NAV2: variants seen among roughly 807,000 people sequenced by gnomAD.
NAV2 encodes neuron navigator 2.
NAV2 carries 54 observed loss-of-function variants against 223.2 expected under a neutral mutation model. The observed-to-expected ratio is 0.24, with a 90% confidence interval of 0.19 to 0.30. The LOEUF (loss-of-function observed/expected upper bound fraction) is 0.30, where lower values mean the gene tolerates loss of function less well. NAV2 is among the 10% of genes least tolerant of loss of function. NAV2 has a pLI of 1.00. For synonymous variants in NAV2, 1,279 were observed against 1,239.3 expected (o/e 1.03, Z -0.67); for missense variants, 2,806 against 3,147.5 (o/e 0.89, Z 2.60).
intron 25 of NAV2, among the ~76,000 whole-genome samples, chr11:20,080,999 G>T (rs964559575): frequency 7.2e-5 from 11 of 152,330 alleles, no homozygotes; most frequent in Middle Eastern, 3.4e-3. Context: ...TTGATCTGGA[G>T]TTGACCAGTG....
chr11:19,914,725 T>G (rs2043644369), intron 6 of NAV2, among the ~76,000 whole-genome samples: 1 of 151,780 alleles, frequency 6.6e-6, no homozygotes, highest in Admixed American at 6.6e-5. Flanking sequence ...TTTGTATTTT[T>G]AGTAGAGACG....
intron 12 of NAV2, among the ~76,000 whole-genome samples, chr11:20,039,056 G>T (rs1591787120): frequency 1.3e-5 from 2 of 152,156 alleles, no homozygotes; most frequent in East Asian, 3.9e-4. Context: ...TGTGCCCACT[G>T]TTTCCTCAGG....
At chr11:20,039,778 A>G (rs1040957440) in intron 12 of NAV2, among the ~76,000 whole-genome samples, 1 of 152,260 alleles carries the variant, frequency 6.6e-6, no homozygotes, top group African/African-American at 2.4e-5. Context: ...TGAAATGTTT[A>G]ATAACATATG....
intron 1 of NAV2, among the ~76,000 whole-genome samples, chr11:19,549,946 A>G (rs1174689914): frequency 6.6e-6 from 1 of 152,182 alleles, no homozygotes; most frequent in African/African-American, 2.4e-5. Flanking sequence ...AGAAGGGGAG[A>G]TGGAGCAGGG....
intron 11 of NAV2, among the ~76,000 whole-genome samples, chr11:20,013,553 C>A (rs1205231244): frequency 6.6e-6 from 1 of 151,860 alleles, no homozygotes. Context: ...ATTTTATAGT[C>A]CCTATAAACT....
chr11:19,522,631 C>T (rs371655450), intron 1 of NAV2, among the ~76,000 whole-genome samples: 1 of 152,308 alleles, frequency 6.6e-6, no homozygotes, highest in Non-Finnish European at 1.5e-5. Flanking sequence ...GTCACTGTCA[C>T]CCCCACTGGC....
At chr11:19,732,102 A>C (rs952669043) in intron 1 of NAV2, among the ~76,000 whole-genome samples, 1 of 152,038 alleles carries the variant, frequency 6.6e-6, no homozygotes, top group Non-Finnish European at 1.5e-5. Flanking sequence ...AAAATACAAA[A>C]ATTAACCAGG....
chr11:19,964,492 CTT>C (rs1555171616), intron 10 of NAV2, among the ~76,000 whole-genome samples: 3 of 146,578 alleles, frequency 2.0e-5, no homozygotes, highest in Admixed American at 6.8e-5. Flanking sequence ...TTTTCATCCT[CTT>C]TTTTTTTTTT....
chr11:19,560,145 G>A (rs1049146302), intron 1 of NAV2, among the ~76,000 whole-genome samples: 1 of 152,120 alleles, frequency 6.6e-6, no homozygotes, highest in African/African-American at 2.4e-5. Context: ...AGAATCGGTG[G>A]TAAAAGAGAC....
chr11:19,352,616 G>A (rs371025127), intron 1 of NAV2, among the ~76,000 whole-genome samples: 86 of 152,294 alleles, frequency 5.6e-4, no homozygotes, highest in African/African-American at 1.3e-3. Flanking sequence ...AACTCTAGCC[G>A]TCATGGCGAT....
intron 1 of NAV2, among the ~76,000 whole-genome samples, chr11:19,592,086 C>G (rs978052291): frequency 1.3e-4 from 20 of 152,198 alleles, no homozygotes; most frequent in African/African-American, 4.8e-4. Flanking sequence ...ATCATTGAAT[C>G]TAGCTTGAAG....
intron 1 of NAV2, among the ~76,000 whole-genome samples, chr11:19,445,507 C>T (rs574833724): frequency 6.6e-6 from 1 of 152,294 alleles, no homozygotes; most frequent in African/African-American, 2.4e-5. Context: ...GAAGCTGATA[C>T]AAGGTACTTG....
chr11:19,421,828 A>T, intron 1 of NAV2, among the ~76,000 whole-genome samples: 1 of 132,640 alleles, frequency 7.5e-6, no homozygotes, highest in African/African-American at 2.8e-5. Context: ...ATGACCATTA[A>T]CCCTTATTAC....
At chr11:20,016,204 A>T (rs937918158) in intron 11 of NAV2, among the ~76,000 whole-genome samples, 1 of 152,192 alleles carries the variant, frequency 6.6e-6, no homozygotes, top group Admixed American at 6.5e-5. Flanking sequence ...GATATAGCCG[A>T]TTGGCACCCT....
intron 26 of NAV2, among the ~76,000 whole-genome samples, chr11:20,090,273 G>A (rs149635464): frequency 0.01 from 1,598 of 152,264 alleles, 13 homozygotes; most frequent in Non-Finnish European, 0.015. Context: ...ACTCAAGGGC[G>A]TGTGGTGTCA....
chr11:20,020,253 C>T (rs563346252), intron 11 of NAV2, among the ~76,000 whole-genome samples: 1 of 152,320 alleles, frequency 6.6e-6, no homozygotes, highest in African/African-American at 2.4e-5. Flanking sequence ...TAGAGTTCAT[C>T]AACTACATCT....
At chr11:19,508,163 G>A (rs1327140945) in intron 1 of NAV2, among the ~76,000 whole-genome samples, 1 of 152,120 alleles carries the variant, frequency 6.6e-6, no homozygotes, top group Admixed American at 6.5e-5. Flanking sequence ...CTGTGGACCA[G>A]CCTTGCTCTG....
Position 19,933,267 on chromosome 11 carries a change from T to C in NAV2, c.1023T>C (p.Asn341=). ...LESGSSSTPT[N]CSTSSAIPQP... ...GCGGCAGCAGCTCCACCCCTACTAA[T>C]TGCAGTACCTCCTCGGCCATCCCGC... The change falls in exon 7 of 38, where the codon AAT becomes AAC. Residue 341 remains asparagine (N), a synonymous_variant. Transcript: ENST00000349880. The surrounding 1 kb of genome is among the most constrained non-coding windows in gnomAD (Gnocchi z 4.3). The C allele has an allele frequency of 6.2e-7, 1 of 1,612,538 alleles. No individual in the cohort carries two copies.
At chr11:19,741,151 A>C (rs1406371219) in intron 1 of NAV2, among the ~76,000 whole-genome samples, 3 of 152,194 alleles carry the variant, frequency 2.0e-5, no homozygotes, top group Non-Finnish European at 4.4e-5. Flanking sequence ...TTAATTTTTA[A>C]TTGTATAAAT....
Sources: allele counts gnomAD v4.1 joint callset (sites outside exome capture counted in the v4.1 genomes callset), GRCh38; gene constraint gnomAD v4.1.1; non-coding constraint Gnocchi (gnomAD v3.1); transcripts MANE v1.5; gene names NCBI Gene and HGNC (gene_info 2026-07-23, HGNC 2026-07-21).